The following ADGRL3 variants were observed in gnomAD, a reference collection of about 807,000 sequenced individuals.
ADGRL3 encodes the protein adhesion G protein-coupled receptor L3.
Under a neutral mutation model 153.5 loss-of-function variants are expected in ADGRL3, and 62 were observed. The ratio of observed to expected loss-of-function variants is 0.40; its 90% CI spans 0.33 to 0.50. ADGRL3 has a LOEUF of 0.50. ADGRL3 is among the 20% of genes least tolerant of loss of function. The probability of loss-of-function intolerance (pLI) is 0.47; values close to 1 mark genes in which losing one functional copy is unlikely to be tolerated. For synonymous variants in ADGRL3, 710 were observed against 672.5 expected (o/e 1.06, Z -0.86); for missense variants, 1,641 against 1,859.4 (o/e 0.88, Z 2.16).
At chr4:61,700,959 G>A (rs1006349419) in intron 6 of ADGRL3, among the ~76,000 whole-genome samples, 6 of 152,162 alleles carry the variant, frequency 3.9e-5, no homozygotes, top group African/African-American at 1.4e-4. Flanking sequence ...AACCCCACTT[G>A]TAAGTAGAGA....
At chr4:61,960,368 T>C (rs530358461) in intron 17 of ADGRL3, among the ~76,000 whole-genome samples, 1 of 152,240 alleles carries the variant, frequency 6.6e-6, no homozygotes, top group East Asian at 1.9e-4. Flanking sequence ...ATGATTTTGA[T>C]ATGTTTGAGG....
At chr4:61,532,254 C>T (rs1247220345) in intron 4 of ADGRL3, among the ~76,000 whole-genome samples, 1 of 152,152 alleles carries the variant, frequency 6.6e-6, no homozygotes, top group Non-Finnish European at 1.5e-5. Flanking sequence ...TCTGCTTTAT[C>T]TTCAAAGTTA....
chr4:61,671,210 T>C (rs1413529558), intron 5 of ADGRL3, among the ~76,000 whole-genome samples: 1 of 152,230 alleles, frequency 6.6e-6, no homozygotes, highest in Admixed American at 6.5e-5. Flanking sequence ...TGGTGCTCTA[T>C]GTTGTGGCAA....
Position 61,742,157 on chromosome 4 carries a change from T to G in ADGRL3, c.1399+8603T>G, listed in dbSNP as rs558851139. On this transcript the variant is annotated intron_variant, in intron 8 of 26. Coordinates refer to ENST00000683033, the MANE Select transcript of ADGRL3 (RefSeq NM_001387552.1). ...TAAGAATCCAATGCTTCTACCCATC[T>G]TAGCACAGATAAGTGAGAGTTGACT... is the stretch of plus-strand genomic sequence containing the variant. 7.9e-5 allele frequency among the ~76,000 whole-genome samples: 12 copies of G among 152,340 alleles called. No homozygotes were observed. In the South Asian group the frequency reaches 2.5e-3, roughly 32 times the overall value.
intron 4 of ADGRL3, among the ~76,000 whole-genome samples, chr4:61,523,011 C>A (rs1321325292): frequency 6.6e-6 from 1 of 151,878 alleles, no homozygotes; most frequent in Non-Finnish European, 1.5e-5. Context: ...CCTGACAGAA[C>A]AATTTCTATT....
chr4:61,620,428 A>G (rs2092417624), intron 5 of ADGRL3, among the ~76,000 whole-genome samples: 2 of 152,154 alleles, frequency 1.3e-5, no homozygotes, highest in Non-Finnish European at 1.5e-5. Flanking sequence ...TATGGTACCA[A>G]TGATGGCTTT....
chr4:61,884,395 C>G (rs2098525250), intron 9 of ADGRL3, among the ~76,000 whole-genome samples: 1 of 152,096 alleles, frequency 6.6e-6, no homozygotes, highest in Non-Finnish European at 1.5e-5. Flanking sequence ...AATAAATGCT[C>G]AAGAAATGCC....
chr4:61,243,805 C>A (rs1028320081), intron 1 of ADGRL3, among the ~76,000 whole-genome samples: 1 of 151,724 alleles, frequency 6.6e-6, no homozygotes, highest in Non-Finnish European at 1.5e-5. Flanking sequence ...TGAATGAAAC[C>A]CAGGGTTGAT....
chr4:61,541,151 G>T (rs2098688058), intron 4 of ADGRL3, among the ~76,000 whole-genome samples: 1 of 152,006 alleles, frequency 6.6e-6, no homozygotes, highest in Non-Finnish European at 1.5e-5. Flanking sequence ...GGGTGAGATG[G>T]GTAGAAGGAG....
At chr4:61,740,035 AC>A (rs1462031848) in intron 8 of ADGRL3, among the ~76,000 whole-genome samples, 1 of 152,198 alleles carries the variant, frequency 6.6e-6, no homozygotes, top group Non-Finnish European at 1.5e-5. Flanking sequence ...TGTCTAAAGA[AC>A]CAGTGATTCA....
At chr4:61,429,747 A>C (rs2097332741) in intron 2 of ADGRL3, among the ~76,000 whole-genome samples, 1 of 152,152 alleles carries the variant, frequency 6.6e-6, no homozygotes, top group African/African-American at 2.4e-5. Context: ...AAGTTATTAT[A>C]AATTGCAGTT....
intron 3 of ADGRL3, among the ~76,000 whole-genome samples, chr4:61,506,047 G>A (rs1248840530): frequency 6.6e-6 from 1 of 151,924 alleles, no homozygotes; most frequent in African/African-American, 2.4e-5. Context: ...TATATTGTAT[G>A]GTCCTATTAA....
intron 1 of ADGRL3, among the ~76,000 whole-genome samples, chr4:61,325,578 G>A (rs2095447135): frequency 6.6e-6 from 1 of 152,104 alleles, no homozygotes; most frequent in Non-Finnish European, 1.5e-5. Flanking sequence ...TACTGAGCAT[G>A]TCCTATAATT....
chr4:61,888,837 T>C (rs560457972), intron 9 of ADGRL3, among the ~76,000 whole-genome samples: 1 of 152,322 alleles, frequency 6.6e-6, no homozygotes, highest in South Asian at 2.1e-4. Context: ...CATAAGAGTA[T>C]ATTCACTTTA....
chr4:61,748,969 A>C (rs1299332023), intron 8 of ADGRL3, among the ~76,000 whole-genome samples: 4 of 151,510 alleles, frequency 2.6e-5, no homozygotes, highest in Admixed American at 1.3e-4. Context: ...CATCTGACAA[A>C]GGGCTAATAT....
At chr4:61,961,858 A>C (rs1012247963) in intron 17 of ADGRL3, among the ~76,000 whole-genome samples, 2 of 152,170 alleles carry the variant, frequency 1.3e-5, no homozygotes, top group African/African-American at 4.8e-5. Flanking sequence ...AAATCATTTT[A>C]TTTCTTTTTT....
chr4:61,542,269 G>T (rs910420312), intron 4 of ADGRL3, among the ~76,000 whole-genome samples: 3 of 152,074 alleles, frequency 2.0e-5, no homozygotes, highest in Non-Finnish European at 4.4e-5. Flanking sequence ...GTGAATCTTG[G>T]TTCCATTTCT....
At chr4:61,755,151 G>A (rs1233749152) in intron 8 of ADGRL3, among the ~76,000 whole-genome samples, 3 of 152,250 alleles carry the variant, frequency 2.0e-5, no homozygotes, top group Non-Finnish European at 4.4e-5. Flanking sequence ...GGATGGCTGG[G>A]TCAAATGGTA....
chr4:61,506,315 A>G (rs2098428092), intron 3 of ADGRL3, among the ~76,000 whole-genome samples: 1 of 152,142 alleles, frequency 6.6e-6, no homozygotes. Flanking sequence ...AATGTTCTGA[A>G]TAGTAAGCAA....
Sources: gnomAD v4.1 joint callset for allele counts (sites outside exome capture counted in the v4.1 genomes callset) on GRCh38, gnomAD v4.1.1 for gene constraint, MANE v1.5 for transcripts, NCBI Gene and HGNC (gene_info 2026-07-23, HGNC 2026-07-21) for gene names.